The following FXR2 variants were observed in gnomAD, a reference collection of about 807,000 sequenced individuals.
The protein encoded by FXR2 is RNA-binding protein FXR2.
In FXR2, 9 loss-of-function variants were observed where a neutral mutation model predicts 87.3. The observed-to-expected ratio is 0.10, with a 90% CI of 0.06 to 0.18. The LOEUF (loss-of-function observed/expected upper bound fraction) is 0.18. FXR2 is among the 10% of genes least tolerant of loss of function. The probability of loss-of-function intolerance (pLI) is 1.00; values close to 1 mark genes in which losing one functional copy is unlikely to be tolerated. For missense variants in FXR2, 661 were observed against 893.6 expected, an observed-to-expected ratio of 0.74 and a Z score of 3.32; for synonymous variants, 331 against 328.3, an observed-to-expected ratio of 1.01 and a Z score of -0.09.
intron 1 of FXR2, among the ~76,000 whole-genome samples, chr17:7,607,129 C>G (rs1370220667): frequency 2.0e-5 from 3 of 151,930 alleles, no homozygotes; most frequent in East Asian, 1.9e-4. Flanking sequence ...GACCAGCCTG[C>G]CAACATGGTG....
At position 7,593,394 on chromosome 17, in the gene FXR2, C is replaced by T; in HGVS notation, c.1330+9G>A. ...CACTCCTTGCCTCCTGTTCCCATAA[C>T]TGTCTCACCATAGGCAGGACCGCCT... On this transcript the variant is annotated intron_variant, in intron 12 of 16. Transcript: ENST00000250113. The surrounding 1 kb of genome is among the most constrained non-coding windows in gnomAD (Gnocchi z 6.1). The T allele has an allele frequency of 6.4e-7, 1 of 1,553,446 alleles. No individual in the cohort carries two copies. The highest frequency in any genetic ancestry group is 8.7e-7 in the Non-Finnish European group (1 of 1,145,870).
intron 7 of FXR2, among the ~76,000 whole-genome samples, chr17:7,596,966 G>A (rs563700908): frequency 5.9e-5 from 9 of 152,260 alleles, no homozygotes; most frequent in Middle Eastern, 3.4e-3. Context: ...TGGCCTTGGT[G>A]GGGTGTGCCT....
At chr17:7,604,228 T>G in intron 3 of FXR2, 148 bp from the exon 4 acceptor site, 3 of 648,742 alleles carry the variant, frequency 4.6e-6, no homozygotes, top group Non-Finnish European at 8.3e-6. Flanking sequence ...GCCCAGGAGT[T>G]CAAGACCAGC....
rs1010939134 is a variant in FXR2, at chr17:7,592,685, C to G, written c.1729+9G>C. 3.8e-5 allele frequency: 61 copies of G among 1,613,460 alleles called. No homozygotes were observed. The highest frequency in any genetic ancestry group is 5.2e-5 in the Non-Finnish European group (61 of 1,179,656). ...TCTCTAACTTTCCAGACCCCAGGCA[C>G]ACCCTCACCCAGGCCATTCTCTGTC... On this transcript the variant is annotated intron_variant, in intron 14 of 16. Transcript: ENST00000250113. This position sits in a 1 kb window ranked among gnomAD's most constrained non-coding sequence, Gnocchi z 4.8.
Position 7,592,565 on chromosome 17 carries a change from G to A in FXR2, c.1764C>T (p.Ser588=). ...DESRPQRRNR[S]RRRRNRGNRT... ...GATTACCACGGTTACGGCGGCGGCG[G>A]CTGCGATTACGACGTTGAGGTCTTG... The change falls in exon 15 of 17, where the codon AGC becomes AGT. Residue 588 remains serine (S), a synonymous_variant. Transcript: ENST00000250113. This position sits in a 1 kb window ranked among gnomAD's most constrained non-coding sequence, Gnocchi z 4.8. The A allele has an allele frequency of 6.2e-7, 1 of 1,613,848 alleles. No individual in the cohort carries two copies. Among genetic ancestry groups the A allele is most frequent in the South Asian group, 1.1e-5 (1 of 91,080 alleles).
chr17:7,598,621 G>A (rs2071727283), intron 7 of FXR2, among the ~76,000 whole-genome samples: 1 of 151,840 alleles, frequency 6.6e-6, no homozygotes, highest in Admixed American at 6.6e-5. Flanking sequence ...CTCACTCTGC[G>A]CTAACTACAC....
rs896585215 is a variant in FXR2, at chr17:7,591,485, T to C, written c.*345A>G. The C allele has an allele frequency of 1.0e-5, 3 of 301,366 alleles. No homozygotes were observed. Among genetic ancestry groups the C allele is most frequent in the African/African-American group, 6.7e-5 (3 of 44,600 alleles). The allele number at this position is 301,366 out of a possible 1,614,324, so 18.7% of individuals were successfully genotyped here. On this transcript the variant is annotated 3_prime_UTR_variant, in exon 17 of 17. Transcript: ENST00000250113. This position sits in a 1 kb window ranked among gnomAD's most constrained non-coding sequence, Gnocchi z 4.0. ...AGGAGGGATAGCAGGGGAGGCCCCC[T>C]GAACGGTCAAATCTGGGTGGGTCGA...
At chr17:7,597,428 A>G (rs996307842) in intron 7 of FXR2, among the ~76,000 whole-genome samples, 4 of 152,100 alleles carry the variant, frequency 2.6e-5, no homozygotes, top group Non-Finnish European at 5.9e-5. Context: ...AGGGGAAGAG[A>G]TCTACAATGA....
intron 7 of FXR2, among the ~76,000 whole-genome samples, chr17:7,598,121 C>G (rs1417034136): frequency 6.6e-6 from 1 of 152,120 alleles, no homozygotes; most frequent in Non-Finnish European, 1.5e-5. Flanking sequence ...TTCTTGCCCC[C>G]CTTTCCATCT....
At chr17:7,608,156 A>ATC (rs2071819116) in intron 1 of FXR2, among the ~76,000 whole-genome samples, 1 of 151,554 alleles carries the variant, frequency 6.6e-6, no homozygotes, top group African/African-American at 2.4e-5. Flanking sequence ...GGGTTTCGCT[A>ATC]TGTTGCCCAG....
rs2071920669 is a variant in FXR2, at chr17:7,614,449, C to T, written c.81+3G>A. 4 of 1,536,140 alleles carry T rather than the reference C, an allele frequency of 2.6e-6. No homozygotes were observed. Among genetic ancestry groups the T allele is most frequent in the Non-Finnish European group, 3.5e-6 (4 of 1,141,754 alleles). ...GGCGTCCCCAGTCGGCGCGCCGTCT[C>T]ACCTTGTAGAAGGCCCCGTTGGAGC... is the stretch of plus-strand genomic sequence containing the variant. On this transcript the variant is annotated splice_donor_region_variant and intron_variant, in intron 1 of 16. Coordinates refer to ENST00000250113, the MANE Select transcript of FXR2 (RefSeq NM_004860.4).
At chr17:7,598,296 T>C (rs917975862) in intron 7 of FXR2, among the ~76,000 whole-genome samples, 9 of 151,066 alleles carry the variant, frequency 6.0e-5, no homozygotes, top group African/African-American at 1.5e-4. Flanking sequence ...TAAAAAAAAA[T>C]ACAAAAAAAT....
chr17:7,601,982 G>C (rs1193708646), intron 6 of FXR2, among the ~76,000 whole-genome samples: 5 of 152,146 alleles, frequency 3.3e-5, no homozygotes, highest in Admixed American at 3.3e-4. Flanking sequence ...TCCCACAAAG[G>C]CTGACTATCA....
Position 7,614,454 on chromosome 17 carries a change from T to C in FXR2, c.79A>G (p.Lys27Glu). Reference sequence around the variant, plus strand: ...CCCCAGTCGGCGCGCCGTCTCACCTTGTAGAAGGCCCCGTTGGAGCCGCGC... The same window carrying C: ...CCCCAGTCGGCGCGCCGTCTCACCTCGTAGAAGGCCCCGTTGGAGCCGCGC... ...EVRGSNGAFY[K>E]GFVKDVHEDS... is the part of the protein sequence containing the mutation. Residue 27 changes from lysine (K) to glutamate (E), a missense_variant and splice_region_variant, in exon 1 of 17, where the codon AAG becomes GAG. Coordinates refer to ENST00000250113, the MANE Select transcript of FXR2 (RefSeq NM_004860.4). 1 of 1,537,868 alleles carries C rather than the reference T, an allele frequency of 6.5e-7. No individual in the cohort carries two copies. Among genetic ancestry groups the C allele is most frequent in the East Asian group, 2.5e-5 (1 of 39,708 alleles).
At chr17:7,604,157 TG>T in intron 3 of FXR2, 77 bp from the exon 4 acceptor site, 1 of 1,109,058 alleles carries the variant, frequency 9.0e-7, no homozygotes. Context: ...AGGCCGGGCA[TG>T]GTGGGGCTCA....
At position 7,593,539 on chromosome 17, in the gene FXR2, C is replaced by A; in HGVS notation, c.1194G>T (p.Gly398=). 1 of 1,594,514 alleles carries A rather than the reference C, an allele frequency of 6.3e-7. No individual in the cohort carries two copies. The highest frequency in any genetic ancestry group is 8.5e-7 in the Non-Finnish European group (1 of 1,172,168). Residue 398 remains glycine, a synonymous_variant, in exon 12 of 17, where the codon GGG becomes GGT. Transcript: ENST00000250113. The surrounding 1 kb of genome is among the most constrained non-coding windows in gnomAD (Gnocchi z 6.1). ...IGLGFRPPGS[G]RGSGGSDKAG... ...CCTTGTCGCTGCCACCGCTGCCCCGCCCACTCCCAGGAGGGCGAAAGCCCA... is the reference window on the plus strand; with the variant it reads ...CCTTGTCGCTGCCACCGCTGCCCCGACCACTCCCAGGAGGGCGAAAGCCCA...
At chr17:7,603,653 G>A in intron 5 of FXR2, 104 bp downstream of exon 5, 1 of 1,076,420 alleles carries the variant, frequency 9.3e-7, no homozygotes, top group East Asian at 2.4e-5. Context: ...AGGGCCAGGG[G>A]AACAACAGAG....
At chr17:7,611,488 C>T (rs1254124375) in intron 1 of FXR2, among the ~76,000 whole-genome samples, 8 of 152,006 alleles carry the variant, frequency 5.3e-5, no homozygotes, top group Non-Finnish European at 1.0e-4. Flanking sequence ...GCCAACATAG[C>T]GAAACCCCGT....
At chr17:7,605,953 T>A in intron 2 of FXR2, 144 bp downstream of exon 2, 1 of 665,642 alleles carries the variant, frequency 1.5e-6, no homozygotes, top group Non-Finnish European at 2.6e-6. Flanking sequence ...CTCAGCCCTT[T>A]CCTCTCCTGG....
Sources: gnomAD v4.1 joint callset for allele counts (sites outside exome capture counted in the v4.1 genomes callset) on GRCh38, gnomAD v4.1.1 for gene constraint, Gnocchi (gnomAD v3.1) non-coding constraint, MANE v1.5 for transcripts, NCBI Gene and HGNC (gene_info 2026-07-23, HGNC 2026-07-21) for gene names.